The following ADARB2 variants were observed in gnomAD, a reference collection of about 807,000 sequenced individuals.
The protein encoded by ADARB2 is adenosine deaminase RNA specific B2 (inactive), also known as inactive double-stranded RNA-specific editase B2.
Under a neutral mutation model 62.2 loss-of-function variants are expected in ADARB2, and 25 were observed. The observed-to-expected ratio is 0.40, with a 90% confidence interval of 0.29 to 0.56. The LOEUF is 0.56. Ranked by LOEUF, ADARB2 falls within the 20% of genes least tolerant of loss-of-function variation. ADARB2 has a pLI of 0.43. For synonymous variants in ADARB2, 572 were observed against 500.8 expected (o/e 1.14, Z -1.90); for missense variants, 1,071 against 1,077.4 (o/e 0.99, Z 0.08).
rs1260150893 is a variant in ADARB2 at position 1,439,160 on chromosome 10, G to A, written c.101-60000C>T. Among the ~76,000 whole-genome samples the A allele has an allele frequency of 4.7e-5, 6 of 127,848 alleles. No individual in the cohort carries two copies. In the East Asian group the frequency reaches 7.6e-4, roughly 16 times the overall value. 83.9% of individuals were successfully genotyped at this position (127,848 alleles called of 152,430 possible). ...CCCAGGATGGAGGCAGGCCCTTCAC[G>A]ATGGGGCTCCTGAGTCTCCTCAGCA... is the stretch of plus-strand genomic sequence containing the variant. On this transcript the variant is annotated intron_variant, in intron 1 of 9. Coordinates refer to ENST00000381312, the MANE Select transcript of ADARB2 (RefSeq NM_018702.4).
intron 1 of ADARB2, among the ~76,000 whole-genome samples, chr10:1,484,255 GC>G (rs1201626954): frequency 2.6e-5 from 4 of 152,210 alleles, no homozygotes; most frequent in Admixed American, 6.5e-5. Flanking sequence ...AAAGTGGTGT[GC>G]AAAAACAGTC....
chr10:1,204,121 A>G (rs1037521485), intron 7 of ADARB2, among the ~76,000 whole-genome samples: 7 of 152,012 alleles, frequency 4.6e-5, no homozygotes, highest in African/African-American at 1.2e-4. Flanking sequence ...TCCACACCCT[A>G]CCTCCAAACC....
At chr10:1,648,513 T>C (rs932076371) in intron 1 of ADARB2, among the ~76,000 whole-genome samples, 5 of 152,194 alleles carry the variant, frequency 3.3e-5, no homozygotes, top group African/African-American at 1.2e-4. Flanking sequence ...TAAATCACGT[T>C]GTGCTTGGAA....
chr10:1,627,632 T>C (rs1218748086), intron 1 of ADARB2, among the ~76,000 whole-genome samples: 1 of 152,140 alleles, frequency 6.6e-6, no homozygotes, highest in African/African-American at 2.4e-5. Context: ...CTTCTACTGG[T>C]TTGTCATAAG....
intron 1 of ADARB2, among the ~76,000 whole-genome samples, chr10:1,536,098 G>T (rs1832328806): frequency 6.6e-6 from 1 of 152,162 alleles, no homozygotes; most frequent in South Asian, 2.1e-4. Context: ...CTCCTGGCAG[G>T]GTGGGTCCAA....
chr10:1,368,451 G>A (rs1443569254), intron 2 of ADARB2, among the ~76,000 whole-genome samples: 1 of 151,876 alleles, frequency 6.6e-6, no homozygotes, highest in African/African-American at 2.4e-5. Context: ...TTCTCTCCCT[G>A]CTCATCTTTT....
chr10:1,518,400 CT>C (rs1832032991), intron 1 of ADARB2, among the ~76,000 whole-genome samples: 1 of 152,220 alleles, frequency 6.6e-6, no homozygotes, highest in African/African-American at 2.4e-5. Context: ...TGGAATGCGT[CT>C]GCTTCATCTG....
chr10:1,647,413 A>C (rs1282129293), intron 1 of ADARB2, among the ~76,000 whole-genome samples: 1 of 92,524 alleles, frequency 1.1e-5, no homozygotes, highest in Non-Finnish European at 2.6e-5. Context: ...ATGTGTGTGC[A>C]TATATGTGTA....
At position 1,191,424 on chromosome 10, in the gene ADARB2, G is replaced by A. The variant is rs1472717599; in HGVS notation, c.1865-6385C>T. Among the ~76,000 whole-genome samples the A allele has an allele frequency of 5.3e-5, 8 of 152,172 alleles. No homozygotes were observed. The East Asian group carries it at 9.6e-4, about 18-fold the overall frequency. ...CTGTGTAGGAAGCCCAAGGAAGGGT[G>A]AGGAAAAAAGGTGTCCCTGAAACAC... On this transcript the variant is annotated intron_variant, in intron 8 of 9. Transcript: ENST00000381312.
At chr10:1,492,713 G>C (rs111516319) in intron 1 of ADARB2, among the ~76,000 whole-genome samples, 1 of 152,034 alleles carries the variant, frequency 6.6e-6, no homozygotes, top group Non-Finnish European at 1.5e-5. Context: ...GGAGTGTCCC[G>C]GGTGCTGGGG....
intron 1 of ADARB2, chr10:1,675,251 A>G (rs1312926251): frequency 4.2e-6 from 4 of 957,120 alleles, no homozygotes. Flanking sequence ...GGGTTCAGGG[A>G]TGCATGGATG....
chr10:1,652,856 C>T (rs571275599), intron 1 of ADARB2, among the ~76,000 whole-genome samples: 18 of 152,286 alleles, frequency 1.2e-4, no homozygotes, highest in South Asian at 8.3e-4. Context: ...GACTGATAAA[C>T]AAACCAGCCG....
intron 1 of ADARB2, among the ~76,000 whole-genome samples, chr10:1,604,218 C>T (rs1407080576): frequency 2.0e-5 from 3 of 152,168 alleles, no homozygotes; most frequent in African/African-American, 7.2e-5. Context: ...CAGATAAATT[C>T]TAGCTCTCAA....
intron 3 of ADARB2, among the ~76,000 whole-genome samples, chr10:1,319,115 G>C (rs546696498): frequency 6.6e-5 from 10 of 152,292 alleles, no homozygotes; most frequent in African/African-American, 2.2e-4. Flanking sequence ...TGAAGAATAA[G>C]GCCAGATCTA....
chr10:1,440,929 C>T (rs1031674380), intron 1 of ADARB2, among the ~76,000 whole-genome samples: 13 of 152,238 alleles, frequency 8.5e-5, no homozygotes, highest in African/African-American at 3.1e-4. Context: ...AGCCTCACTC[C>T]AGCCTTTGCT....
chr10:1,262,932 C>T (rs2131792419), intron 4 of ADARB2, among the ~76,000 whole-genome samples: 2 of 151,982 alleles, frequency 1.3e-5, no homozygotes, highest in South Asian at 2.1e-4. Context: ...ACATGTACAC[C>T]ATGGAATACT....
chr10:1,413,621 C>T (rs371798128), intron 1 of ADARB2, among the ~76,000 whole-genome samples: 10 of 152,072 alleles, frequency 6.6e-5, no homozygotes, highest in South Asian at 2.1e-4. Context: ...GAAGCGCAGC[C>T]GTGAACCCTA....
intron 1 of ADARB2, among the ~76,000 whole-genome samples, chr10:1,412,123 T>G (rs1331924951): frequency 6.6e-6 from 1 of 152,114 alleles, no homozygotes; most frequent in Non-Finnish European, 1.5e-5. Flanking sequence ...GGTCAAGATG[T>G]CTGTGCCTTG....
intron 1 of ADARB2, among the ~76,000 whole-genome samples, chr10:1,585,131 T>C (rs1221359552): frequency 6.6e-6 from 1 of 152,062 alleles, no homozygotes; most frequent in African/African-American, 2.4e-5. Context: ...GTGGTGGTGA[T>C]TGTCAATGTA....
Sources: gnomAD v4.1 joint callset for allele counts (sites outside exome capture counted in the v4.1 genomes callset) on GRCh38, gnomAD v4.1.1 for gene constraint, MANE v1.5 for transcripts, NCBI Gene and HGNC (gene_info 2026-07-23, HGNC 2026-07-21) for gene names.